DENND1A: variants seen among roughly 807,000 people sequenced by gnomAD.
DENND1A encodes the protein DENN domain-containing protein 1A.
In DENND1A, 51 loss-of-function variants were observed where a neutral mutation model predicts 113.7. That is an observed-to-expected ratio of 0.45 (90% confidence interval 0.36 to 0.57). The LOEUF is 0.57. Among genes scored for constraint, DENND1A ranks in the 20% least tolerant of loss-of-function variants. DENND1A has a pLI of 0.00. For missense variants in DENND1A, 1,258 were observed against 1,395.9 expected (o/e 0.90, Z 1.57); for synonymous variants, 565 against 570.8 (o/e 0.99, Z 0.14).
intron 3 of DENND1A, among the ~76,000 whole-genome samples, chr9:123,778,218 C>T (rs1439006377): frequency 2.0e-5 from 3 of 152,284 alleles, no homozygotes; most frequent in South Asian, 2.1e-4. Flanking sequence ...TTTCATTTTA[C>T]TTTGCATATC....
chr9:123,910,434 A>T (rs1853741688), intron 1 of DENND1A, among the ~76,000 whole-genome samples: 1 of 152,234 alleles, frequency 6.6e-6, no homozygotes. Context: ...ATTAACCTTG[A>T]TGTATAACTT....
chr9:123,841,513 C>T (rs1398350636), intron 2 of DENND1A, among the ~76,000 whole-genome samples: 1 of 152,140 alleles, frequency 6.6e-6, no homozygotes, highest in Non-Finnish European at 1.5e-5. Context: ...ACTGGGTGAT[C>T]ACTACCCTCA....
At chr9:123,903,942 G>C (rs1852244454) in intron 1 of DENND1A, among the ~76,000 whole-genome samples, 1 of 152,158 alleles carries the variant, frequency 6.6e-6, no homozygotes, top group East Asian at 1.9e-4. Flanking sequence ...CAAAAAGACA[G>C]CAGTAACCTC....
At chr9:123,567,428 CA>C (rs2058115274) in intron 12 of DENND1A, among the ~76,000 whole-genome samples, 2 of 152,058 alleles carry the variant, frequency 1.3e-5, no homozygotes, top group East Asian at 1.9e-4. Flanking sequence ...CAACATCCAC[CA>C]ATTTTTTTTT....
intron 13 of DENND1A, among the ~76,000 whole-genome samples, chr9:123,485,978 G>T (rs1175329199): frequency 1.3e-5 from 2 of 152,160 alleles, no homozygotes; most frequent in Admixed American, 6.5e-5. Context: ...GGAACAAGGG[G>T]TTGATTCCCC....
intron 5 of DENND1A, among the ~76,000 whole-genome samples, chr9:123,739,841 C>T (rs1004353068): frequency 6.6e-6 from 1 of 150,754 alleles, no homozygotes; most frequent in African/African-American, 2.4e-5. Flanking sequence ...TAAAATCTGA[C>T]AAAAAAGTTC....
intron 9 of DENND1A, among the ~76,000 whole-genome samples, chr9:123,640,765 T>C (rs1444948270): frequency 6.6e-6 from 1 of 152,228 alleles, no homozygotes; most frequent in Non-Finnish European, 1.5e-5. Flanking sequence ...GTGTGAATAC[T>C]ATCCCCATTT....
chr9:123,743,126 G>A (rs375094909), intron 5 of DENND1A, among the ~76,000 whole-genome samples: 1 of 152,134 alleles, frequency 6.6e-6, no homozygotes, highest in Admixed American at 6.6e-5. Context: ...TCTCCTGAGC[G>A]AGGCATGGTG....
chr9:123,488,704 T>G (rs761902912), intron 13 of DENND1A, among the ~76,000 whole-genome samples: 1 of 152,204 alleles, frequency 6.6e-6, no homozygotes, highest in Non-Finnish European at 1.5e-5. Context: ...GTAGTTCTCT[T>G]AAGGAGACAG....
chr9:123,517,828 A>G (rs2054067877), intron 13 of DENND1A, among the ~76,000 whole-genome samples: 1 of 152,226 alleles, frequency 6.6e-6, no homozygotes, highest in African/African-American at 2.4e-5. Context: ...ACTGAACTCA[A>G]TTATTTAAAA....
At chr9:123,567,992 C>T (rs193268226) in intron 12 of DENND1A, among the ~76,000 whole-genome samples, 12 of 152,314 alleles carry the variant, frequency 7.9e-5, no homozygotes, top group Admixed American at 5.9e-4. Flanking sequence ...AAAACTATTC[C>T]AGTCACCACC....
intron 9 of DENND1A, among the ~76,000 whole-genome samples, chr9:123,651,204 T>TA (rs1223852871): frequency 1.3e-5 from 2 of 151,962 alleles, no homozygotes; most frequent in East Asian, 1.9e-4. Flanking sequence ...TTATAATTAA[T>TA]AAAAAAATCA....
intron 12 of DENND1A, among the ~76,000 whole-genome samples, chr9:123,581,208 G>A (rs1255478735): frequency 6.6e-6 from 1 of 152,168 alleles, no homozygotes; most frequent in African/African-American, 2.4e-5. Flanking sequence ...GAGTAAATGA[G>A]AGGTCAATGA....
intron 13 of DENND1A, among the ~76,000 whole-genome samples, chr9:123,475,262 G>A (rs143914263): frequency 2.2e-3 from 331 of 152,200 alleles, no homozygotes; most frequent in Admixed American, 3.7e-3. Context: ...CAAGTGATCC[G>A]CCCACCTCGG....
At chr9:123,511,344 G>A (rs1488813372) in intron 13 of DENND1A, among the ~76,000 whole-genome samples, 4 of 152,208 alleles carry the variant, frequency 2.6e-5, no homozygotes, top group Non-Finnish European at 5.9e-5. Context: ...CTAACACAGC[G>A]GGGGTGCTAG....
At chr9:123,680,083 C>T (rs2064343733) in intron 5 of DENND1A, among the ~76,000 whole-genome samples, 1 of 152,132 alleles carries the variant, frequency 6.6e-6, no homozygotes, top group East Asian at 1.9e-4. Context: ...GCTGGAAGTC[C>T]TTCCCAAGTG....
chr9:123,836,752 T>G (rs189559581), intron 2 of DENND1A, among the ~76,000 whole-genome samples: 1 of 152,140 alleles, frequency 6.6e-6, no homozygotes. Flanking sequence ...TAAATAATTT[T>G]TAATGTTATC....
chr9:123,690,050 A>G (rs915186111), intron 5 of DENND1A, among the ~76,000 whole-genome samples: 74 of 121,474 alleles, frequency 6.1e-4, no homozygotes, highest in Non-Finnish European at 4.4e-4. Flanking sequence ...GGGAAGAAGG[A>G]AAGGAGGGAG....
At chr9:123,822,431 A>G (rs1044398570) in intron 2 of DENND1A, among the ~76,000 whole-genome samples, 1 of 152,238 alleles carries the variant, frequency 6.6e-6, no homozygotes, top group Non-Finnish European at 1.5e-5. Context: ...TTAGAAATGG[A>G]TACAGCCTCT....
Sources: allele counts gnomAD v4.1 joint callset (sites outside exome capture counted in the v4.1 genomes callset), GRCh38; gene constraint gnomAD v4.1.1; transcripts MANE v1.5; gene names NCBI Gene and HGNC (gene_info 2026-07-23, HGNC 2026-07-21).